Variants in C12orf75 observed in about 807,000 individuals in gnomAD.
The protein encoded by C12orf75 is overexpressed in colon carcinoma 1 protein.
Under a neutral mutation model 11.4 loss-of-function variants are expected in C12orf75, and 4 were observed. The ratio of observed to expected loss-of-function variants is 0.35; its 90% confidence interval spans 0.17 to 0.80. C12orf75 has a LOEUF of 0.80. C12orf75 is among the 30% of genes least tolerant of loss of function. The probability of loss-of-function intolerance (pLI) is 0.52; values close to 1 mark genes in which losing one functional copy is unlikely to be tolerated. For synonymous variants in C12orf75, 30 were observed against 30.0 expected (o/e 1.00, Z 0.00); for missense variants, 89 against 80.4 (o/e 1.11, Z -0.41).
At chr12:105,333,321 A>G (rs1262146677) in intron 1 of C12orf75, among the ~76,000 whole-genome samples, 2 of 152,220 alleles carry the variant, frequency 1.3e-5, no homozygotes, top group African/African-American at 4.8e-5. Context: ...ATAAACCACA[A>G]TGCAAAGGTA....
rs139341834 is a variant in C12orf75, at chr12:105,355,390, G to A, written c.71+6764G>A. 7.7e-4 allele frequency among the ~76,000 whole-genome samples: 117 copies of A among 152,160 alleles called. 4 individuals carry two copies. The East Asian group carries it at 0.016, about 21-fold the overall frequency. On this transcript the variant is annotated intron_variant, in intron 2 of 5. Transcript: ENST00000443585. Reference sequence around the variant, plus strand: ...TTGCCATATTGGCCAGGCTGGTCTCGAACTCCTGACCTTGTGATCCGCCCG... The same window carrying A: ...TTGCCATATTGGCCAGGCTGGTCTCAAACTCCTGACCTTGTGATCCGCCCG...
At chr12:105,337,892 C>A (rs1892516515) in intron 1 of C12orf75, among the ~76,000 whole-genome samples, 1 of 152,054 alleles carries the variant, frequency 6.6e-6, no homozygotes, top group Non-Finnish European at 1.5e-5. Flanking sequence ...GGGGTGGGGT[C>A]AGTTTTCCTT....
At chr12:105,367,008 C>G (rs10861409) in intron 4 of C12orf75, among the ~76,000 whole-genome samples, 27,455 of 152,096 alleles carry the variant, frequency 0.18, 2,734 homozygotes, top group Non-Finnish European at 0.22. Context: ...TTTCATAGAA[C>G]AGAAAGGTAA....
chr12:105,364,408 A>G (rs1871397517), intron 2 of C12orf75, among the ~76,000 whole-genome samples: 1 of 152,234 alleles, frequency 6.6e-6, no homozygotes, highest in African/African-American at 2.4e-5. Context: ...TGGATGAATT[A>G]GGTCTCAAGA....
At chr12:105,366,823 A>G (rs1871493540) in intron 4 of C12orf75, 127 bp downstream of exon 4, 2 of 590,648 alleles carry the variant, frequency 3.4e-6, no homozygotes, top group Non-Finnish European at 6.0e-6. Context: ...ACCATGTATA[A>G]GTACTGTCTG....
chr12:105,334,691 A>G (rs1160979606), intron 1 of C12orf75, among the ~76,000 whole-genome samples: 4 of 152,006 alleles, frequency 2.6e-5, no homozygotes, highest in African/African-American at 9.7e-5. Context: ...GAGCTTTTGC[A>G]CTCTCGCTCA....
At chr12:105,353,860 T>G (rs1892744522) in intron 2 of C12orf75, among the ~76,000 whole-genome samples, 1 of 152,254 alleles carries the variant, frequency 6.6e-6, no homozygotes, top group Non-Finnish European at 1.5e-5. Context: ...CTGAGATTCT[T>G]TCCTTGGTAA....
Position 105,330,797 on chromosome 12 carries a change from C to T in C12orf75, c.-95C>T, listed in dbSNP as rs1337220888. ...CCTGGCCCCTCGCGGCCCCGTCAGC[C>T]TCCCGCTCGGGGTGCGCCGCCCTTC... On this transcript the variant is annotated 5_prime_UTR_variant, in exon 1 of 6. Coordinates refer to ENST00000443585, the MANE Select transcript of C12orf75 (RefSeq NM_001145199.2). 6 of 1,187,192 alleles carry T rather than the reference C, an allele frequency of 5.1e-6. No individual in the cohort carries two copies. The East Asian group carries it at 1.4e-4, about 27-fold the overall frequency. 73.5% of individuals were successfully genotyped at this position (1,187,192 alleles called of 1,614,324 possible). A position where few individuals can be genotyped will look rare whatever the true frequency, so the allele number is the denominator to read the frequency against.
At chr12:105,361,527 C>G (rs1892865798) in intron 2 of C12orf75, among the ~76,000 whole-genome samples, 1 of 152,182 alleles carries the variant, frequency 6.6e-6, no homozygotes, top group Non-Finnish European at 1.5e-5. Context: ...AAATGAGTCC[C>G]CCCACCAGAA....
Position 105,365,831 on chromosome 12 carries a change from T to C in C12orf75, c.96T>C (p.Asp32=), listed in dbSNP as rs1871456134. The part of the protein sequence containing the change: ...KDVTEESVTE[D]DKRRNYGGVY... ...GAACAGAAGAATCCGTAACAGAAGATGACAAGAGGAGGTATGTTTGGTATT... is the reference window on the plus strand; with the variant it reads ...GAACAGAAGAATCCGTAACAGAAGACGACAAGAGGAGGTATGTTTGGTATT... Residue 32 remains aspartate (D), a synonymous_variant, in exon 3 of 6, where the codon GAT becomes GAC. Transcript: ENST00000443585. The C allele has an allele frequency of 2.6e-6, 4 of 1,549,502 alleles. No homozygotes were observed. The highest frequency in any genetic ancestry group is 3.5e-6 in the Non-Finnish European group (4 of 1,145,034).
At position 105,370,489 on chromosome 12, in the gene C12orf75, A is replaced by C. The variant is rs1871597378; in HGVS notation, c.*34-145A>C. ...TGCTTGGCTCTACACTGGCCACCTA[A>C]GTCTTAAATTAATATTGGGTGAATA... is the stretch of plus-strand genomic sequence containing the variant. On this transcript the variant is annotated intron_variant, in intron 5 of 5. Coordinates refer to ENST00000443585, the MANE Select transcript of C12orf75 (RefSeq NM_001145199.2). The C allele has an allele frequency of 7.2e-6, 3 of 417,598 alleles. No individual in the cohort carries two copies. The Admixed American group carries it at 7.8e-5, about 11-fold the overall frequency. The allele number at this position is 417,598 out of a possible 1,614,324, so 25.9% of individuals were successfully genotyped here. A position where few individuals can be genotyped will look rare whatever the true frequency, so the allele number is the denominator to read the frequency against.
chr12:105,336,006 G>A (rs571694291), intron 1 of C12orf75, among the ~76,000 whole-genome samples: 2 of 152,352 alleles, frequency 1.3e-5, no homozygotes, highest in South Asian at 4.1e-4. Context: ...GGAGGAAGTG[G>A]AACTTGATTT....
At chr12:105,352,486 GTTA>G (rs1350901097) in intron 2 of C12orf75, among the ~76,000 whole-genome samples, 1 of 152,174 alleles carries the variant, frequency 6.6e-6, no homozygotes, top group Non-Finnish European at 1.5e-5. Flanking sequence ...GAAAAATTCA[GTTA>G]TTATTCTACC....
chr12:105,334,366 T>C (rs1272857462), intron 1 of C12orf75, among the ~76,000 whole-genome samples: 1 of 152,208 alleles, frequency 6.6e-6, no homozygotes, highest in Non-Finnish European at 1.5e-5. Flanking sequence ...CAGTGGATAA[T>C]AGAATATAAT....
At chr12:105,357,916 C>A (rs933213351) in intron 2 of C12orf75, among the ~76,000 whole-genome samples, 6 of 152,028 alleles carry the variant, frequency 3.9e-5, no homozygotes, top group Non-Finnish European at 7.4e-5. Flanking sequence ...GCGATCATGA[C>A]TCACTGTAAC....
intron 2 of C12orf75, chr12:105,353,622 G>A (rs1892741310): frequency 6.6e-6 from 1 of 152,178 alleles, no homozygotes; most frequent in Non-Finnish European, 1.5e-5. Flanking sequence ...GAATTTAATT[G>A]AAAGCATTTT....
intron 1 of C12orf75, among the ~76,000 whole-genome samples, chr12:105,338,356 T>C (rs1242804271): frequency 6.6e-6 from 1 of 152,010 alleles, no homozygotes; most frequent in Non-Finnish European, 1.5e-5. Context: ...GTATTTTTAG[T>C]GGAGATGGGG....
At chr12:105,350,000 AC>A (rs1312379750) in intron 2 of C12orf75, among the ~76,000 whole-genome samples, 1 of 152,224 alleles carries the variant, frequency 6.6e-6, no homozygotes, top group Admixed American at 6.5e-5. Context: ...TAAAATTAGG[AC>A]TTTAGATACA....
intron 1 of C12orf75, among the ~76,000 whole-genome samples, chr12:105,332,594 G>A (rs975263319): frequency 6.6e-6 from 1 of 152,006 alleles, no homozygotes; most frequent in East Asian, 1.9e-4. Flanking sequence ...AGCTGGGCGT[G>A]GTGGCGCCTG....
Sources: allele counts gnomAD v4.1 joint callset (sites outside exome capture counted in the v4.1 genomes callset), GRCh38; gene constraint gnomAD v4.1.1; transcripts MANE v1.5; gene names NCBI Gene and HGNC (gene_info 2026-07-23, HGNC 2026-07-21).